Variants in SYNE1 observed in about 807,000 individuals in gnomAD.
SYNE1 encodes nesprin-1.
Under a neutral mutation model 1,111.0 loss-of-function variants are expected in SYNE1, and 616 were observed. The observed-to-expected ratio is 0.55, with a 90% CI of 0.52 to 0.59. The LOEUF (loss-of-function observed/expected upper bound fraction) is 0.59. Ranked by LOEUF, SYNE1 falls within the 20% of genes least tolerant of loss-of-function variation. The pLI, the probability that SYNE1 is intolerant of heterozygous loss-of-function variation, is 0.00. For missense variants in SYNE1, 10,006 were observed against 10,417.0 expected (o/e 0.96, Z 1.72); for synonymous variants, 3,855 against 3,825.8 (o/e 1.01, Z -0.28).
rs906279261 is a variant in SYNE1 at position 152,334,936 on chromosome 6, T to C, written c.12529-663A>G. On this transcript the variant is annotated intron_variant, in intron 76 of 145. Coordinates refer to ENST00000367255, the MANE Select transcript of SYNE1 (RefSeq NM_182961.4). ...CAGAGACAAGGCAAAGTAGCTTGGG[T>C]CACCAGGTGGGCAGTGGTGTTATGT... Among the ~76,000 whole-genome samples, 4 of 152,272 alleles carry C rather than the reference T, an allele frequency of 2.6e-5. No homozygotes were observed. The East Asian group carries it at 7.7e-4, about 29-fold the overall frequency.
Position 152,309,835 on chromosome 6 carries a change from C to G in SYNE1, c.17202G>C (p.Gln5734His). 1 of 1,613,806 alleles carries G rather than the reference C, an allele frequency of 6.2e-7. No homozygotes were observed. The highest frequency in any genetic ancestry group is 8.5e-7 in the Non-Finnish European group (1 of 1,180,034). The change falls in exon 90 of 146, where the codon CAG becomes CAC. Residue 5734 changes from glutamine to histidine, a missense_variant and splice_region_variant. Physicochemically the swap from Gln to His is conservative, Grantham distance 24. Around this residue, in one of 7 missense-constraint regions of SYNE1, gnomAD observed 4,955 missense variants for 5,017.2 expected, o/e 0.99. Coordinates refer to ENST00000367255, the MANE Select transcript of SYNE1 (RefSeq NM_182961.4). ...ACTGGTGTGGGTACCCTGCACCTGC[C>G]TGCATGATGTTACACTGCTGGATGG... ...HTAIQQCNIM[Q>H]EAVVQYEQYE...
intron 27 of SYNE1, 54 bp from the exon 28 acceptor site, chr6:152,449,695 G>A: frequency 1.5e-6 from 2 of 1,330,572 alleles, no homozygotes; most frequent in Non-Finnish European, 2.2e-6. Context: ...AGAATGATCA[G>A]AATATGTTTT....
intron 41 of SYNE1, among the ~76,000 whole-genome samples, chr6:152,415,789 TAAAA>T (rs1209590450): frequency 0.013 from 963 of 73,020 alleles, 10 homozygotes; most frequent in African/African-American, 0.053. Flanking sequence ...TTCAAAGTGG[TAAAA>T]AAAAAAAAAA....
At chr6:152,407,644 T>C (rs2154166346) in intron 44 of SYNE1, among the ~76,000 whole-genome samples, 1 of 152,240 alleles carries the variant, frequency 6.6e-6, no homozygotes, top group Admixed American at 6.5e-5. Context: ...AAGCAACCAA[T>C]TTTGCACATT....
At position 152,628,246 on chromosome 6, in the gene SYNE1, T is replaced by C; in HGVS notation, c.67+19A>G. The C allele has an allele frequency of 6.2e-7, 1 of 1,613,790 alleles. No individual in the cohort carries two copies. On this transcript the variant is annotated intron_variant, in intron 3 of 145. Coordinates refer to ENST00000367255, the MANE Select transcript of SYNE1 (RefSeq NM_182961.4). Reference sequence around the variant, plus strand: ...ATGGTATTTGAATTTTTTTAAAACCTGAAATTTCTTCCCCCTACCTTGCAG... The same window carrying C: ...ATGGTATTTGAATTTTTTTAAAACCCGAAATTTCTTCCCCCTACCTTGCAG...
intron 27 of SYNE1, 141 bp from the exon 28 acceptor site, chr6:152,449,782 C>A (rs1031847966): frequency 2.7e-6 from 2 of 736,902 alleles, no homozygotes; most frequent in South Asian, 1.7e-5. Context: ...GGAAACTATT[C>A]TTTTAACATG....
At chr6:152,539,137 A>G (rs941286476) in intron 4 of SYNE1, among the ~76,000 whole-genome samples, 27 of 152,204 alleles carry the variant, frequency 1.8e-4, no homozygotes, top group African/African-American at 6.5e-4. Flanking sequence ...AAATTTGAAG[A>G]TAAAATTGTT....
chr6:152,486,359 T>C (rs1330905814), intron 12 of SYNE1, among the ~76,000 whole-genome samples: 1 of 152,206 alleles, frequency 6.6e-6, no homozygotes, highest in Non-Finnish European at 1.5e-5. Flanking sequence ...TTACAGAATG[T>C]AAAGATGAAA....
chr6:152,348,032 G>A (rs571855511), intron 72 of SYNE1, among the ~76,000 whole-genome samples: 9 of 152,058 alleles, frequency 5.9e-5, no homozygotes, highest in East Asian at 1.9e-4. Context: ...ACTTTTGCAC[G>A]AATATAATAA....
rs1304775134 is a variant in SYNE1 at position 152,232,271 on chromosome 6, C to G, written c.20713-6G>C. The G allele has an allele frequency of 1.2e-6, 2 of 1,613,722 alleles. No individual in the cohort carries two copies. Among genetic ancestry groups the G allele is most frequent in the South Asian group, 2.2e-5 (2 of 91,044 alleles). On this transcript the variant is annotated splice_region_variant and splice_polypyrimidine_tract_variant and intron_variant, in intron 112 of 145. Coordinates refer to ENST00000367255, the MANE Select transcript of SYNE1 (RefSeq NM_182961.4). Reference sequence around the variant, plus strand: ...GGCAGTTTATCCATCTGGAGCTGTCCAAGTCAGGGAGAGAACCAGTCCCAA... The same window carrying G: ...GGCAGTTTATCCATCTGGAGCTGTCGAAGTCAGGGAGAGAACCAGTCCCAA...
chr6:152,327,393 G>C (rs1202876306), intron 78 of SYNE1, among the ~76,000 whole-genome samples: 3 of 152,132 alleles, frequency 2.0e-5, no homozygotes, highest in Non-Finnish European at 4.4e-5. Flanking sequence ...GTAATTTCTG[G>C]AAGCGAAATA....
At chr6:152,502,778 T>A (rs1388889386) in intron 9 of SYNE1, 36 bp from the exon 10 acceptor site, 3 of 1,430,000 alleles carry the variant, frequency 2.1e-6, no homozygotes, top group Middle Eastern at 1.7e-4. Context: ...ATAAACTAAT[T>A]AGCATTCATT....
chr6:152,595,569 G>GT (rs993891069), intron 3 of SYNE1, among the ~76,000 whole-genome samples: 3 of 152,104 alleles, frequency 2.0e-5, no homozygotes, highest in Non-Finnish European at 4.4e-5. Context: ...GAGCAATCTG[G>GT]TTTTTTTAAT....
chr6:152,219,184 T>A lies in SYNE1; in HGVS notation c.21863A>T (p.Asp7288Val), dbSNP rs748051009. The A allele has an allele frequency of 1.2e-6, 2 of 1,613,580 alleles. No individual in the cohort carries two copies. Among genetic ancestry groups the A allele is most frequent in the Non-Finnish European group, 1.7e-6 (2 of 1,179,918 alleles). Residue 7288 changes from aspartate (D) to valine (V), a missense_variant and splice_region_variant, in exon 120 of 146, where the codon GAC (aspartate) becomes GTC (valine). Transcript: ENST00000367255. ...EVATWIQDCN[D>V]LLKGLGTVKD... ...AACTGTGCCCAGTCCTTTGAGGAGG[T>A]CCTAGAAGAGGTGAAAATATGCCCA...
intron 89 of SYNE1, 106 bp from the exon 90 acceptor site, chr6:152,310,123 A>C (rs2095502830): frequency 2.0e-6 from 1 of 490,506 alleles, no homozygotes; most frequent in Admixed American, 1.4e-4. Context: ...ACATTTTGCA[A>C]AAAAAAAAAA....
chr6:152,326,402 T>G lies in SYNE1; in HGVS notation c.15187A>C (p.Ile5063Leu). ...HSLVATLDPL[I>L]KPTGKEDLEQ... Reference sequence around the variant, plus strand: ...AGGTCTTCTTTGCCGGTTGGCTTGATGAGTGGGTCCAGGGTGGCTACCAGG... The same window carrying G: ...AGGTCTTCTTTGCCGGTTGGCTTGAGGAGTGGGTCCAGGGTGGCTACCAGG... The change falls in exon 79 of 146, where the codon ATC becomes CTC. Residue 5063 changes from isoleucine (I) to leucine (L), a missense_variant. Around this residue, in one of 7 missense-constraint regions of SYNE1, gnomAD observed 4,955 missense variants for 5,017.2 expected, o/e 0.99. Transcript: ENST00000367255. 1 of 1,614,226 alleles carries G rather than the reference T, an allele frequency of 6.2e-7. No individual in the cohort carries two copies. The highest frequency in any genetic ancestry group is 1.6e-4 in the Middle Eastern group (1 of 6,062).
At chr6:152,431,948 A>G (rs1031066355) in intron 34 of SYNE1, among the ~76,000 whole-genome samples, 1 of 152,186 alleles carries the variant, frequency 6.6e-6, no homozygotes, top group Admixed American at 6.5e-5. Context: ...TTGTCTACAA[A>G]GCACTAATAA....
chr6:152,612,064 C>T (rs2099632855), intron 3 of SYNE1, among the ~76,000 whole-genome samples: 1 of 150,812 alleles, frequency 6.6e-6, no homozygotes, highest in African/African-American at 2.4e-5. Context: ...AAAATGGACA[C>T]CCTAACATCA....
chr6:152,629,538 A>AGGGGGGGGGGG (rs2099693875), intron 2 of SYNE1, among the ~76,000 whole-genome samples: 1 of 13,928 alleles, frequency 7.2e-5, no homozygotes, highest in Non-Finnish European at 1.2e-4. Context: ...GGGGGGGGGG[A>AGGGGGGGGGGG]GGGGGAGGGG....
Sources: gnomAD v4.1 joint callset for allele counts (sites outside exome capture counted in the v4.1 genomes callset) on GRCh38, gnomAD v4.1.1 for gene constraint, gnomAD v4.1.1 regional missense constraint, MANE v1.5 for transcripts, NCBI Gene and HGNC (gene_info 2026-07-23, HGNC 2026-07-21) for gene names.